The following ARHGEF26 variants were observed in gnomAD, a reference collection of about 807,000 sequenced individuals.
The protein encoded by ARHGEF26 is Rho guanine nucleotide exchange factor 26.
Under a neutral mutation model 89.4 loss-of-function variants are expected in ARHGEF26, and 59 were observed. That is an observed-to-expected ratio of 0.66 (90% CI 0.54 to 0.82). ARHGEF26 has a LOEUF of 0.82. Among genes scored for constraint, ARHGEF26 ranks in the 40% least tolerant of loss-of-function variants. ARHGEF26 has a pLI of 0.00. For synonymous variants in ARHGEF26, 500 were observed against 428.4 expected (o/e 1.17, Z -2.06); for missense variants, 1,234 against 1,085.6 (o/e 1.14, Z -1.92).
chr3:154,248,410 A>G (rs1438895472), intron 12 of ARHGEF26, among the ~76,000 whole-genome samples: 1 of 152,230 alleles, frequency 6.6e-6, no homozygotes, highest in Non-Finnish European at 1.5e-5. Flanking sequence ...TGTAAATAGT[A>G]TCTCTGACAT....
At chr3:154,194,027 TG>T (rs1273990515) in intron 8 of ARHGEF26, among the ~76,000 whole-genome samples, 1 of 152,006 alleles carries the variant, frequency 6.6e-6, no homozygotes, top group Non-Finnish European at 1.5e-5. Flanking sequence ...TTTGTAGAGA[TG>T]GGGTTTTTCC....
rs1173936802 is a variant in ARHGEF26 at position 154,187,453 on chromosome 3, C to T, written c.1488-232C>T. On this transcript the variant is annotated intron_variant, in intron 6 of 14. Coordinates refer to ENST00000465093, the MANE Select transcript of ARHGEF26 (RefSeq NM_015595.4). ...TCAAGTGATCTTCCTGCCTCAGCCTCCCAAAGTGCTGAGATTATAGGCGTG... is the reference window on the plus strand; with the variant it reads ...TCAAGTGATCTTCCTGCCTCAGCCTTCCAAAGTGCTGAGATTATAGGCGTG... Among the ~76,000 whole-genome samples, 3 of 148,514 alleles carry T rather than the reference C, an allele frequency of 2.0e-5. No homozygotes were observed. In the South Asian group the frequency reaches 6.4e-4, roughly 32 times the overall value.
intron 9 of ARHGEF26, among the ~76,000 whole-genome samples, chr3:154,216,219 T>G (rs1166202762): frequency 6.6e-6 from 1 of 151,966 alleles, no homozygotes; most frequent in African/African-American, 2.4e-5. Flanking sequence ...TTATGGCAAA[T>G]GACTCTAATA....
chr3:154,206,693 C>T (rs1715038753), intron 9 of ARHGEF26, among the ~76,000 whole-genome samples: 1 of 152,038 alleles, frequency 6.6e-6, no homozygotes, highest in South Asian at 2.1e-4. Context: ...CTGCCCAAAG[C>T]AATTTATAGA....
chr3:154,167,326 G>C (rs1034676704), intron 6 of ARHGEF26, among the ~76,000 whole-genome samples: 5 of 152,176 alleles, frequency 3.3e-5, no homozygotes, highest in Admixed American at 6.5e-5. Flanking sequence ...AACACACACA[G>C]AACAGATGCC....
At chr3:154,251,952 A>C (rs1718183329) in intron 12 of ARHGEF26, among the ~76,000 whole-genome samples, 1 of 152,190 alleles carries the variant, frequency 6.6e-6, no homozygotes, top group South Asian at 2.1e-4. Context: ...TATGTTAAGA[A>C]ATTTTAATGG....
intron 9 of ARHGEF26, among the ~76,000 whole-genome samples, chr3:154,197,638 G>T (rs768331141): frequency 2.0e-5 from 3 of 152,120 alleles, no homozygotes; most frequent in Non-Finnish European, 4.4e-5. Context: ...TGCTGAAATT[G>T]CTCATGCATG....
At chr3:154,124,598 G>A (rs1323519370) in intron 3 of ARHGEF26, 149 bp downstream of exon 3, 7 of 703,322 alleles carry the variant, frequency 1.0e-5, no homozygotes, top group Non-Finnish European at 1.3e-5. Flanking sequence ...TTCTCACTAA[G>A]CTAAATTTTT....
chr3:154,172,437 G>A (rs575390015), intron 6 of ARHGEF26, among the ~76,000 whole-genome samples: 2 of 152,356 alleles, frequency 1.3e-5, no homozygotes, highest in South Asian at 4.1e-4. Flanking sequence ...GTGCACACCT[G>A]TAATCCCAGC....
chr3:154,231,277 T>C (rs1428060483), intron 11 of ARHGEF26, among the ~76,000 whole-genome samples: 1 of 152,204 alleles, frequency 6.6e-6, no homozygotes, highest in Non-Finnish European at 1.5e-5. Flanking sequence ...TCTGATGTTA[T>C]GAGGTATTGT....
chr3:154,147,553 A>G (rs1719774554), intron 4 of ARHGEF26, among the ~76,000 whole-genome samples: 1 of 152,236 alleles, frequency 6.6e-6, no homozygotes, highest in African/African-American at 2.4e-5. Flanking sequence ...ACTTGAAGAA[A>G]TGGGATAAAT....
At chr3:154,126,214 T>C (rs140408436) in intron 3 of ARHGEF26, among the ~76,000 whole-genome samples, 1 of 152,202 alleles carries the variant, frequency 6.6e-6, no homozygotes, top group Non-Finnish European at 1.5e-5. Flanking sequence ...TTAGTCATAG[T>C]GCATACAGAA....
intron 9 of ARHGEF26, among the ~76,000 whole-genome samples, chr3:154,206,378 C>G (rs1289645110): frequency 6.6e-6 from 1 of 152,110 alleles, no homozygotes; most frequent in African/African-American, 2.4e-5. Flanking sequence ...TCCTGGGCTC[C>G]AAAAGCTTCT....
intron 9 of ARHGEF26, among the ~76,000 whole-genome samples, chr3:154,216,494 T>TTTTTTTTTTA (rs1715743455): frequency 8.1e-6 from 1 of 123,012 alleles, no homozygotes; most frequent in African/African-American, 3.1e-5. Context: ...TTTTTTTTAT[T>TTTTTTTTTTA]TTTTTTTATT....
chr3:154,206,014 T>G (rs1714997307), intron 9 of ARHGEF26, among the ~76,000 whole-genome samples: 1 of 152,142 alleles, frequency 6.6e-6, no homozygotes, highest in Non-Finnish European at 1.5e-5. Context: ...TTATTATTGA[T>G]TAATATCATT....
intron 4 of ARHGEF26, among the ~76,000 whole-genome samples, chr3:154,135,664 T>A (rs1718958472): frequency 6.6e-6 from 1 of 152,138 alleles, no homozygotes; most frequent in African/African-American, 2.4e-5. Context: ...GGGAAAAGCA[T>A]GTGGGTTTGA....
chr3:154,167,676 CAG>C (rs1712131627), intron 6 of ARHGEF26, among the ~76,000 whole-genome samples: 1 of 152,096 alleles, frequency 6.6e-6, no homozygotes, highest in Admixed American at 6.6e-5. Context: ...TAAAGAAAAA[CAG>C]AGCCTGGATT....
intron 12 of ARHGEF26, among the ~76,000 whole-genome samples, chr3:154,250,983 A>G (rs1718113944): frequency 6.8e-6 from 1 of 146,008 alleles, no homozygotes; most frequent in South Asian, 2.2e-4. Context: ...AGAGAGAGAG[A>G]GGTTTTAAAA....
rs370061653 is a variant in ARHGEF26 at position 154,253,204 on chromosome 3, G to A, written c.2368+21G>A. On this transcript the variant is annotated intron_variant, in intron 13 of 14. Coordinates refer to ENST00000465093, the MANE Select transcript of ARHGEF26 (RefSeq NM_015595.4). ...AACCTGTAAGTTCTCTCAAGGGGAA[G>A]CCCACTTGGGAACATGGATGGGCTC... 46 of 1,613,760 alleles carry A rather than the reference G, an allele frequency of 2.9e-5. No homozygotes were observed. The African/African-American group carries it at 5.6e-4, about 20-fold the overall frequency.
Sources: allele counts gnomAD v4.1 joint callset (sites outside exome capture counted in the v4.1 genomes callset), GRCh38; gene constraint gnomAD v4.1.1; transcripts MANE v1.5; gene names NCBI Gene and HGNC (gene_info 2026-07-23, HGNC 2026-07-21).